Variants in AGMO observed in about 807,000 individuals in gnomAD.
The protein encoded by AGMO is alkylglycerol monooxygenase.
Under a neutral mutation model 60.2 loss-of-function variants are expected in AGMO, and 75 were observed. The observed-to-expected ratio is 1.25, with a 90% CI of 1.03 to 1.51. The LOEUF is 1.51. Ranked by LOEUF, AGMO falls within the 40% of genes most tolerant of loss-of-function variation. The pLI, the probability that AGMO is intolerant of heterozygous loss-of-function variation, is 0.00. For missense variants in AGMO, 763 were observed against 525.5 expected (o/e 1.45, Z -4.42); for synonymous variants, 261 against 177.1 (o/e 1.47, Z -3.76).
At chr7:15,434,780 T>A (rs1262931490) in intron 3 of AGMO, among the ~76,000 whole-genome samples, 1 of 152,160 alleles carries the variant, frequency 6.6e-6, no homozygotes, top group East Asian at 1.9e-4. Context: ...AACTATGAGA[T>A]GATAAACGTT....
At chr7:15,172,137 G>A in the AGMO span, among the ~76,000 whole-genome samples, 1 of 152,160 alleles carries the variant, frequency 6.6e-6, no homozygotes, top group Non-Finnish European at 1.5e-5. Context: ...GAAGTTAATT[G>A]TTTGTAGTTA....
At chr7:15,393,902 T>C (rs1017992503) in intron 6 of AGMO, among the ~76,000 whole-genome samples, 1 of 151,706 alleles carries the variant, frequency 6.6e-6, no homozygotes, top group Non-Finnish European at 1.5e-5. Flanking sequence ...GTCAGATAGA[T>C]AAATCCCCCT....
At chr7:15,410,254 T>C (rs1784803007) in intron 5 of AGMO, among the ~76,000 whole-genome samples, 1 of 151,794 alleles carries the variant, frequency 6.6e-6, no homozygotes, top group Admixed American at 6.6e-5. Flanking sequence ...TTATGTGTAG[T>C]AGCAAGATGC....
intron 9 of AGMO, among the ~76,000 whole-genome samples, chr7:15,386,675 A>T (rs1783928528): frequency 6.6e-6 from 1 of 152,162 alleles, no homozygotes; most frequent in Non-Finnish European, 1.5e-5. Context: ...TCACAGGCTA[A>T]CTTTTGTACA....
chr7:15,435,424 A>AATAGGTATG, intron 3 of AGMO, among the ~76,000 whole-genome samples: 1 of 152,132 alleles, frequency 6.6e-6, no homozygotes, highest in African/African-American at 2.4e-5. Flanking sequence ...CAGCCATTAT[A>AATAGGTATG]ATAGGTATGC....
intron 5 of AGMO, among the ~76,000 whole-genome samples, chr7:15,411,225 T>C (rs1361927667): frequency 1.3e-5 from 2 of 152,022 alleles, no homozygotes; most frequent in East Asian, 1.9e-4. Context: ...ATCTTGGACT[T>C]TGTAGCCTCT....
intron 3 of AGMO, among the ~76,000 whole-genome samples, chr7:15,488,078 T>C (rs747376777): frequency 3.3e-5 from 5 of 152,170 alleles, no homozygotes; most frequent in African/African-American, 4.8e-5. Flanking sequence ...GAGCACATTT[T>C]ATTGCTGGCC....
At chr7:15,360,018 G>A (rs548247904) in intron 12 of AGMO, among the ~76,000 whole-genome samples, 3 of 152,256 alleles carry the variant, frequency 2.0e-5, no homozygotes, top group East Asian at 3.9e-4. Flanking sequence ...TTATAGGAGT[G>A]GTAATGTTAG....
chr7:15,260,746 G>A (rs1410711386), intron 12 of AGMO, among the ~76,000 whole-genome samples: 1 of 151,762 alleles, frequency 6.6e-6, no homozygotes, highest in Non-Finnish European at 1.5e-5. Flanking sequence ...CATTGTTCAA[G>A]GTACATCATA....
At chr7:15,373,743 A>T (rs1255851208) in intron 10 of AGMO, among the ~76,000 whole-genome samples, 1 of 152,182 alleles carries the variant, frequency 6.6e-6, no homozygotes, top group East Asian at 1.9e-4. Flanking sequence ...ATGATTTGAT[A>T]ATATTTTCCA....
intron 12 of AGMO, among the ~76,000 whole-genome samples, chr7:15,224,907 A>G (rs1294198309): frequency 6.6e-6 from 1 of 152,058 alleles, no homozygotes; most frequent in African/African-American, 2.4e-5. Context: ...ACAATTTCAA[A>G]TTTTTAATTT....
At chr7:15,411,592 T>C (rs2128492484) in intron 5 of AGMO, among the ~76,000 whole-genome samples, 1 of 152,104 alleles carries the variant, frequency 6.6e-6, no homozygotes, top group East Asian at 1.9e-4. Context: ...TCATAGTATA[T>C]GAAATATTAA....
intron 10 of AGMO, among the ~76,000 whole-genome samples, chr7:15,377,789 T>C (rs1288017021): frequency 6.6e-6 from 1 of 152,040 alleles, no homozygotes; most frequent in Non-Finnish European, 1.5e-5. Flanking sequence ...ATTAAGTTAA[T>C]ATATTAAACA....
intron 10 of AGMO, among the ~76,000 whole-genome samples, chr7:15,368,932 G>C (rs774807416): frequency 1.3e-5 from 2 of 152,104 alleles, no homozygotes; most frequent in East Asian, 1.9e-4. Context: ...ACTGGTGAAC[G>C]GGCAACTGAA....
At chr7:15,214,487 T>A (rs1161331520) in intron 12 of AGMO, among the ~76,000 whole-genome samples, 1 of 151,946 alleles carries the variant, frequency 6.6e-6, no homozygotes, top group African/African-American at 2.4e-5. Context: ...TACAAACGCT[T>A]TATGACAATT....
At chr7:15,416,532 C>T (rs1424822885) in intron 5 of AGMO, among the ~76,000 whole-genome samples, 1 of 152,022 alleles carries the variant, frequency 6.6e-6, no homozygotes, top group African/African-American at 2.4e-5. Flanking sequence ...TCAGTATCTT[C>T]TTAAGATCAT....
intron 12 of AGMO, among the ~76,000 whole-genome samples, chr7:15,205,770 A>G (rs1424816752): frequency 1.3e-5 from 2 of 152,148 alleles, no homozygotes; most frequent in Non-Finnish European, 2.9e-5. Flanking sequence ...AAATTTCCCT[A>G]AAATTTTTAA....
intron 5 of AGMO, among the ~76,000 whole-genome samples, chr7:15,413,243 A>G (rs965804710): frequency 2.6e-5 from 4 of 152,218 alleles, no homozygotes; most frequent in Non-Finnish European, 4.4e-5. Flanking sequence ...AAAGTAGGTA[A>G]AAGATTAAAT....
intron 10 of AGMO, 43 bp from the exon 11 acceptor site, chr7:15,366,265 T>A: frequency 6.8e-7 from 1 of 1,466,856 alleles, no homozygotes; most frequent in Non-Finnish European, 9.4e-7. Context: ...TTAGAAGAAT[T>A]GTTAAAAGGT....
Sources: allele counts gnomAD v4.1 joint callset (sites outside exome capture counted in the v4.1 genomes callset), GRCh38; gene constraint gnomAD v4.1.1; transcripts MANE v1.5; gene names NCBI Gene and HGNC (gene_info 2026-07-23, HGNC 2026-07-21).